The following RETREG1 variants were observed in gnomAD, a reference collection of about 807,000 sequenced individuals.
The protein encoded by RETREG1 is family with sequence similarity 134 member B.
A neutral mutation model predicts 54.8 loss-of-function variants in RETREG1; 44 were observed. The observed-to-expected ratio is 0.80, with a 90% confidence interval of 0.63 to 1.03. RETREG1 has a LOEUF of 1.03. RETREG1 is among the 50% of genes least tolerant of loss of function. RETREG1 has a pLI of 0.00. For missense variants in RETREG1, 554 were observed against 605.1 expected (o/e 0.92, Z 0.89); for synonymous variants, 217 against 238.5 (o/e 0.91, Z 0.83).
intron 1 of RETREG1, among the ~76,000 whole-genome samples, chr5:16,573,155 C>G (rs1742227190): frequency 8.1e-6 from 1 of 123,574 alleles, no homozygotes; most frequent in African/African-American, 3.2e-5. Flanking sequence ...GCACTCCAGC[C>G]TGGTGAGAGA....
intron 3 of RETREG1, among the ~76,000 whole-genome samples, chr5:16,504,572 C>T (rs1739864667): frequency 6.6e-6 from 1 of 152,156 alleles, no homozygotes; most frequent in African/African-American, 2.4e-5. Context: ...TGGGTGTCAA[C>T]CCTACTGACC....
rs569562641 is a variant in RETREG1, at chr5:16,613,604, A to G, written c.320+3048T>C. 5.1e-4 allele frequency among the ~76,000 whole-genome samples: 77 copies of G among 152,362 alleles called. 3 individuals are homozygous for G. In the South Asian group the frequency reaches 0.016, roughly 31 times the overall value. On this transcript the variant is annotated intron_variant, in intron 1 of 8. Transcript: ENST00000306320. ...TTTGAGTCAAATTCAGACTCCTAAA[A>G]CCCACTGCTAATGCCAGGTGCTAAA...
rs772854840 is a variant in RETREG1 at position 16,616,828 on chromosome 5, C to T, written c.144G>A (p.Gly48=). 3 of 1,515,688 alleles carry T rather than the reference C, an allele frequency of 2.0e-6. No individual in the cohort carries two copies. The highest frequency in any genetic ancestry group is 2.4e-5 in the South Asian group (2 of 82,088). 93.9% of individuals were successfully genotyped at this position (1,515,688 alleles called of 1,614,324 possible). ...CCTGCAACCCCGCGCCCTCCGCCGC[C>T]CCAGCTTCCTGCGCTTCCTCCTCCT... The part of the protein sequence containing the change: ...QQQEEEAQEA[G]AAEGAGLQVE... Residue 48 remains glycine (G), a synonymous_variant, in exon 1 of 9, where the codon GGG becomes GGA. Coordinates refer to ENST00000306320, the MANE Select transcript of RETREG1 (RefSeq NM_001034850.3).
intron 3 of RETREG1, among the ~76,000 whole-genome samples, chr5:16,540,000 A>G (rs1165397090): frequency 1.3e-5 from 2 of 152,260 alleles, no homozygotes; most frequent in Non-Finnish European, 2.9e-5. Flanking sequence ...CCTCTAAAAT[A>G]TAAAGCTTAC....
In RETREG1 at chr5:16,616,707, A is replaced by G; in HGVS notation, c.265T>C (p.Trp89Arg). Residue 89 changes from tryptophan to arginine, a missense_variant, in exon 1 of 9, where the codon TGG becomes CGG. This residue lies in a region of RETREG1 where 175 missense variants were observed against 142.1 expected (regional missense o/e 1.23). Coordinates refer to ENST00000306320, the MANE Select transcript of RETREG1 (RefSeq NM_001034850.3). ...LGCRADELLS[W>R]KRPLRSLLGF... Reference sequence around the variant, plus strand: ...AGCAGGCTCCGCAGCGGCCTCTTCCAGCTCAGCAGCTCGTCGGCGCGGCAG... The same window carrying G: ...AGCAGGCTCCGCAGCGGCCTCTTCCGGCTCAGCAGCTCGTCGGCGCGGCAG... The G allele has an allele frequency of 1.9e-6, 3 of 1,591,334 alleles. No individual in the cohort carries two copies. The highest frequency in any genetic ancestry group is 1.7e-4 in the Middle Eastern group (1 of 6,022).
At position 16,565,704 on chromosome 5, in the gene RETREG1, C is replaced by T. The variant is rs1199681491; in HGVS notation, c.458+59G>A. The T allele has an allele frequency of 3.2e-6, 5 of 1,561,998 alleles. No homozygotes were observed. In the East Asian group the frequency reaches 9.0e-5, roughly 28 times the overall value. The stretch of plus-strand genomic sequence containing the variant: ...CTATTTCAGAGCTACATCTTGGTGG[C>T]TCAGTCCCCTCCCTCACCCTCCCTC... On this transcript the variant is annotated intron_variant, in intron 3 of 8. Coordinates refer to ENST00000306320, the MANE Select transcript of RETREG1 (RefSeq NM_001034850.3).
chr5:16,603,622 G>A (rs1437858032), intron 1 of RETREG1, among the ~76,000 whole-genome samples: 3 of 152,082 alleles, frequency 2.0e-5, no homozygotes, highest in Admixed American at 1.3e-4. Context: ...GGCCTCTCCT[G>A]TGCTGCCTCC....
chr5:16,582,181 G>A (rs1284337467), intron 1 of RETREG1, among the ~76,000 whole-genome samples: 2 of 152,074 alleles, frequency 1.3e-5, no homozygotes, highest in Admixed American at 1.3e-4. Flanking sequence ...ATACTGTGTG[G>A]TTTAGCTACG....
chr5:16,593,380 C>A lies in RETREG1; in HGVS notation c.321-21278G>T, dbSNP rs1281776423. On this transcript the variant is annotated intron_variant, in intron 1 of 8. Transcript: ENST00000306320. This position sits in a 1 kb window ranked among gnomAD's most constrained non-coding sequence, Gnocchi z 4.9. ...CATCTCTCCTGTTCACCACTGTCAC[C>A]CAAGCACTAGGTCTCTGCATGCCAA... Among the ~76,000 whole-genome samples the A allele has an allele frequency of 1.3e-5, 2 of 152,136 alleles. No homozygotes were observed. The highest frequency in any genetic ancestry group is 4.8e-5 in the African/African-American group (2 of 41,404).
chr5:16,562,617 C>T (rs1367261587), intron 3 of RETREG1, among the ~76,000 whole-genome samples: 1 of 152,204 alleles, frequency 6.6e-6, no homozygotes, highest in Non-Finnish European at 1.5e-5. Flanking sequence ...GGCTTGTACC[C>T]TTGATAGGAT....
intron 2 of RETREG1, among the ~76,000 whole-genome samples, chr5:16,567,537 A>C (rs915395203): frequency 4.6e-5 from 7 of 152,174 alleles, no homozygotes; most frequent in African/African-American, 1.7e-4. Flanking sequence ...GACAGTGTAG[A>C]TTTCACAGGA....
At chr5:16,615,881 G>T (rs1743492286) in intron 1 of RETREG1, 1 of 152,206 alleles carries the variant, frequency 6.6e-6, no homozygotes, top group East Asian at 1.9e-4. Flanking sequence ...AACAAAGAAG[G>T]TTTTTCTCCG....
intron 1 of RETREG1, among the ~76,000 whole-genome samples, chr5:16,574,097 A>G (rs1257569426): frequency 1.3e-5 from 2 of 152,278 alleles, no homozygotes; most frequent in East Asian, 3.9e-4. Flanking sequence ...AGGTGGATGC[A>G]ACTCAGATGA....
chr5:16,549,275 C>T (rs1339104595), intron 3 of RETREG1, among the ~76,000 whole-genome samples: 14 of 152,144 alleles, frequency 9.2e-5, no homozygotes, highest in Admixed American at 8.5e-4. Flanking sequence ...AAGAACAAGA[C>T]GAATTTATAA....
intron 3 of RETREG1, among the ~76,000 whole-genome samples, chr5:16,493,708 C>G (rs539235239): frequency 6.6e-6 from 1 of 152,152 alleles, no homozygotes; most frequent in Admixed American, 6.5e-5. Flanking sequence ...CAACATTTGG[C>G]CTACTTATAT....
chr5:16,488,610 G>C (rs754463036), intron 3 of RETREG1, among the ~76,000 whole-genome samples: 3 of 152,186 alleles, frequency 2.0e-5, no homozygotes, highest in Non-Finnish European at 2.9e-5. Context: ...CCAGGAAAGA[G>C]CCATCAGAAA....
At chr5:16,600,180 T>C (rs1743014213) in intron 1 of RETREG1, among the ~76,000 whole-genome samples, 1 of 152,204 alleles carries the variant, frequency 6.6e-6, no homozygotes, top group Non-Finnish European at 1.5e-5. Context: ...TTTGTGTTTT[T>C]AGTAGAGACA....
intron 1 of RETREG1, among the ~76,000 whole-genome samples, chr5:16,608,875 T>C (rs1356070354): frequency 1.3e-5 from 2 of 152,228 alleles, no homozygotes; most frequent in Non-Finnish European, 2.9e-5. Flanking sequence ...TCATTAAGTA[T>C]GATTCTGTAA....
At chr5:16,582,513 T>C (rs1742516518) in intron 1 of RETREG1, among the ~76,000 whole-genome samples, 1 of 152,182 alleles carries the variant, frequency 6.6e-6, no homozygotes, top group Non-Finnish European at 1.5e-5. Context: ...GGGACTGGTC[T>C]CTATTCAGAT....
Sources: gnomAD v4.1 joint callset for allele counts (sites outside exome capture counted in the v4.1 genomes callset) on GRCh38, gnomAD v4.1.1 for gene constraint, gnomAD v4.1.1 regional missense constraint, Gnocchi (gnomAD v3.1) non-coding constraint, MANE v1.5 for transcripts, NCBI Gene and HGNC (gene_info 2026-07-23, HGNC 2026-07-21) for gene names.